EPHB2: variants seen among roughly 807,000 people sequenced by gnomAD.
The protein encoded by EPHB2 is ephrin type-B receptor 2.
In EPHB2, 18 loss-of-function variants were observed where a neutral mutation model predicts 96.4. The observed-to-expected ratio is 0.19, with a 90% CI of 0.13 to 0.28. The LOEUF (loss-of-function observed/expected upper bound fraction) is 0.28, where lower values mean the gene tolerates loss of function less well. Among genes scored for constraint, EPHB2 ranks in the 10% least tolerant of loss-of-function variants. The pLI, the probability that EPHB2 is intolerant of heterozygous loss-of-function variation, is 1.00. For missense variants in EPHB2, 989 were observed against 1,355.4 expected (o/e 0.73, Z 4.25); for synonymous variants, 506 against 534.1 (o/e 0.95, Z 0.72).
chr1:22,785,030 G>A lies in EPHB2; in HGVS notation c.765G>A (p.Met255Ile), dbSNP rs556445443. 5.0e-6 allele frequency: 8 copies of A among 1,613,726 alleles called. No individual in the cohort carries two copies. The highest frequency in any genetic ancestry group is 2.2e-5 in the East Asian group (1 of 44,888). ...GEWLVPIGRC[M>I]CKAGFEAVEN... The stretch of plus-strand genomic sequence containing the variant: ...GGCTGGTGCCCATCGGGCGCTGCAT[G>A]TGCAAAGCAGGCTTCGAGGCCGTTG... The change falls in exon 3 of 16, where the codon ATG (methionine) becomes ATA (isoleucine). Residue 255 changes from methionine to isoleucine, a missense_variant. Met to Ile is a conservative substitution (Grantham distance 10, BLOSUM62 1). Coordinates refer to ENST00000374630, the MANE Select transcript of EPHB2 (RefSeq NM_017449.5).
At chr1:22,908,189 A>G (rs917343070) in intron 12 of EPHB2, 21 bp downstream of exon 12, 2 of 1,613,726 alleles carry the variant, frequency 1.2e-6, no homozygotes, top group Non-Finnish European at 1.7e-6. Context: ...GGCAGGGAAC[A>G]CCGGAGTCAC....
chr1:22,882,732 A>T (rs1639091441), intron 6 of EPHB2: 1 of 461,684 alleles, frequency 2.2e-6, no homozygotes, highest in East Asian at 4.6e-5. Context: ...CAGCAATCTC[A>T]GTGAAATGCA....
chr1:22,783,401 G>A (rs1002776308), intron 2 of EPHB2, among the ~76,000 whole-genome samples: 1 of 152,232 alleles, frequency 6.6e-6, no homozygotes, highest in African/African-American at 2.4e-5. Flanking sequence ...GAGAAGGACA[G>A]GAGGGGTGGT....
chr1:22,800,011 G>A (rs1644819906), intron 3 of EPHB2, among the ~76,000 whole-genome samples: 1 of 152,178 alleles, frequency 6.6e-6, no homozygotes, highest in South Asian at 2.1e-4. Flanking sequence ...TGCTGCCTGG[G>A]CAGGCCATGC....
intron 3 of EPHB2, among the ~76,000 whole-genome samples, chr1:22,786,505 G>GGT (rs1392204079): frequency 6.6e-6 from 1 of 152,174 alleles, no homozygotes; most frequent in African/African-American, 2.4e-5. Context: ...TTAGCCTGGG[G>GGT]GTGGTTGCAG....
chr1:22,784,982 C>G lies in EPHB2; in HGVS notation c.717C>G (p.Leu239=). 2 of 1,614,058 alleles carry G rather than the reference C, an allele frequency of 1.2e-6. No individual in the cohort carries two copies. Among genetic ancestry groups the G allele is most frequent in the South Asian group, 1.1e-5 (1 of 91,090 alleles). Residue 239 remains leucine (L), a synonymous_variant, in exon 3 of 16, where the codon CTC becomes CTG. Transcript: ENST00000374630. The surrounding 1 kb of genome is among the most constrained non-coding windows in gnomAD (Gnocchi z 5.1). ...AAGAGGTGGATGTACCCATCAAGCT[C>G]TACTGTAACGGGGACGGCGAGTGGC... ...NAEEVDVPIK[L]YCNGDGEWLV... is the part of the protein sequence containing the mutation.
At chr1:22,720,447 T>G (rs568282460) in intron 1 of EPHB2, among the ~76,000 whole-genome samples, 2 of 152,160 alleles carry the variant, frequency 1.3e-5, no homozygotes, top group African/African-American at 4.8e-5. Flanking sequence ...CAGAGTTCAG[T>G]GCCCGCCCCT....
chr1:22,862,001 A>G (rs774939745), intron 3 of EPHB2, among the ~76,000 whole-genome samples: 57 of 152,164 alleles, frequency 3.7e-4, no homozygotes, highest in Non-Finnish European at 7.1e-4. Flanking sequence ...CCACTTACCC[A>G]TTGCACAATC....
At chr1:22,813,930 T>C (rs574850421) in intron 3 of EPHB2, among the ~76,000 whole-genome samples, 285 of 152,164 alleles carry the variant, frequency 1.9e-3, no homozygotes, top group Non-Finnish European at 3.4e-3. Context: ...ATCCCATCGC[T>C]TTGGGAGGCT....
In EPHB2 at chr1:22,739,906, C is replaced by T. The variant is rs951011308; in HGVS notation, c.61+28863C>T. On this transcript the variant is annotated intron_variant, in intron 1 of 15. Coordinates refer to ENST00000374630, the MANE Select transcript of EPHB2 (RefSeq NM_017449.5). ...TGTGCCGGGCTGCAGAAGGGCTGCCCGGGGTTTGCGGTTTTGAACACAGAG... is the reference window on the plus strand; with the variant it reads ...TGTGCCGGGCTGCAGAAGGGCTGCCTGGGGTTTGCGGTTTTGAACACAGAG... 7.2e-5 allele frequency among the ~76,000 whole-genome samples: 11 copies of T among 152,134 alleles called. No individual in the cohort carries two copies. The East Asian group carries it at 7.7e-4, about 11-fold the overall frequency.
intron 1 of EPHB2, among the ~76,000 whole-genome samples, chr1:22,769,700 G>A (rs918202022): frequency 6.6e-6 from 1 of 152,172 alleles, no homozygotes; most frequent in East Asian, 1.9e-4. Context: ...GAGCCACCAC[G>A]TAGAGCCTGA....
chr1:22,746,749 C>T (rs1194349924), intron 1 of EPHB2, among the ~76,000 whole-genome samples: 2 of 152,206 alleles, frequency 1.3e-5, no homozygotes, highest in African/African-American at 4.8e-5. Flanking sequence ...GAAGTCAGGT[C>T]ACAAAGGTGT....
intron 3 of EPHB2, among the ~76,000 whole-genome samples, chr1:22,813,920 A>G (rs939155829): frequency 3.3e-5 from 5 of 152,300 alleles, no homozygotes; most frequent in South Asian, 2.1e-4. Flanking sequence ...CACGCCTGTA[A>G]TCCCATCGCT....
At chr1:22,894,286 T>C (rs534887984) in intron 7 of EPHB2, among the ~76,000 whole-genome samples, 1 of 152,308 alleles carries the variant, frequency 6.6e-6, no homozygotes, top group African/African-American at 2.4e-5. Context: ...GTTCCTGTTC[T>C]GGTCAGTGAG....
chr1:22,751,952 T>C (rs1243721265), intron 1 of EPHB2, among the ~76,000 whole-genome samples: 1 of 152,196 alleles, frequency 6.6e-6, no homozygotes, highest in Non-Finnish European at 1.5e-5. Flanking sequence ...AAAATCAGGC[T>C]TCGGTCTGGA....
chr1:22,878,948 A>G (rs1638936399), intron 5 of EPHB2, among the ~76,000 whole-genome samples: 1 of 152,192 alleles, frequency 6.6e-6, no homozygotes, highest in Non-Finnish European at 1.5e-5. Context: ...AATGTAACAC[A>G]TATCAACGTG....
intron 3 of EPHB2, among the ~76,000 whole-genome samples, chr1:22,822,799 A>T (rs1645170247): frequency 6.6e-6 from 1 of 152,218 alleles, no homozygotes; most frequent in African/African-American, 2.4e-5. Context: ...CCCAGTGCCC[A>T]CAGGGGTCTC....
chr1:22,912,341 T>TGCACACGTGCACATTCAC, intron 14 of EPHB2, 103 bp from the exon 15 acceptor site: 5 of 1,509,936 alleles, frequency 3.3e-6, no homozygotes, highest in Non-Finnish European at 4.5e-6. Flanking sequence ...CATAAATGGA[T>TGCACACGTGCACATTCAC]GCACACGTGC....
At chr1:22,798,657 G>T (rs764548773) in intron 3 of EPHB2, among the ~76,000 whole-genome samples, 1 of 151,998 alleles carries the variant, frequency 6.6e-6, no homozygotes, top group Non-Finnish European at 1.5e-5. Context: ...GTTGCCAGGG[G>T]GAGCCTTGCA....
Sources: gnomAD v4.1 joint callset for allele counts (sites outside exome capture counted in the v4.1 genomes callset) on GRCh38, gnomAD v4.1.1 for gene constraint, Gnocchi (gnomAD v3.1) non-coding constraint, MANE v1.5 for transcripts, NCBI Gene and HGNC (gene_info 2026-07-23, HGNC 2026-07-21) for gene names.